COL4A1: variants seen among roughly 807,000 people sequenced by gnomAD.
The protein encoded by COL4A1 is collagen type IV alpha 1 chain, also known as collagen alpha-1(IV) chain.
In COL4A1, 40 loss-of-function variants were observed where a neutral mutation model predicts 216.6. The ratio of observed to expected loss-of-function variants is 0.18; its 90% CI spans 0.14 to 0.24. COL4A1 has a LOEUF of 0.24. Among genes scored for constraint, COL4A1 ranks in the 10% least tolerant of loss-of-function variants. COL4A1 has a pLI of 1.00. For missense variants in COL4A1, 1,628 were observed against 2,196.8 expected, an observed-to-expected ratio of 0.74 and a Z score of 5.18; for synonymous variants, 839 against 810.7, an observed-to-expected ratio of 1.03 and a Z score of -0.59.
intron 1 of COL4A1, among the ~76,000 whole-genome samples, chr13:110,272,869 C>A (rs1373732769): frequency 6.6e-6 from 1 of 152,198 alleles, no homozygotes; most frequent in Non-Finnish European, 1.5e-5. Flanking sequence ...CTTCACCTGT[C>A]ACCATCAATA....
intron 49 of COL4A1, among the ~76,000 whole-genome samples, chr13:110,156,379 T>C (rs1026224098): frequency 9.9e-5 from 15 of 152,258 alleles, no homozygotes; most frequent in African/African-American, 3.6e-4. Flanking sequence ...GTTGAGTAAC[T>C]AAGACAAATA....
intron 2 of COL4A1, among the ~76,000 whole-genome samples, chr13:110,220,289 C>G (rs1436149305): frequency 6.6e-6 from 1 of 152,200 alleles, no homozygotes; most frequent in African/African-American, 2.4e-5. Flanking sequence ...CTAACCTACC[C>G]AACATCATAG....
In COL4A1 at chr13:110,276,531, T is replaced by C. The variant is rs182493986; in HGVS notation, c.84+30413A>G. Among the ~76,000 whole-genome samples, 487 of 152,308 alleles carry C rather than the reference T, an allele frequency of 3.2e-3. 2 individuals carry two copies. Among genetic ancestry groups the C allele is most frequent in the Non-Finnish European group, 4.7e-3 (323 of 68,016 alleles). On this transcript the variant is annotated intron_variant, in intron 1 of 51. Transcript: ENST00000375820. ...ACAGGTTGCATGGGAGGGTTCCAAA[T>C]TTTTGTAGGATATTTACTACAAACT...
At chr13:110,240,457 T>G (rs561401390) in intron 2 of COL4A1, among the ~76,000 whole-genome samples, 1 of 152,234 alleles carries the variant, frequency 6.6e-6, no homozygotes, top group Non-Finnish European at 1.5e-5. Context: ...GAAGCTGGCA[T>G]GGAGCCTCCC....
At position 110,152,553 on chromosome 13, in the gene COL4A1, AC is replaced by A. The variant is rs750117706; in HGVS notation, c.4756-48del. 5.7e-6 allele frequency: 9 copies of A among 1,577,314 alleles called. No homozygotes were observed. In the African/African-American group the frequency reaches 1.1e-4, roughly 19 times the overall value. ...TGAGTCAGAGGTTCCCTCCCCAAAC[AC>A]CAGGAAAGAGATCGATCCTTCCCAG... On this transcript the variant is annotated intron_variant, in intron 50 of 51. Transcript: ENST00000375820.
intron 21 of COL4A1, among the ~76,000 whole-genome samples, chr13:110,195,840 C>A (rs7996925): frequency 1.6e-4 from 24 of 152,040 alleles, no homozygotes; most frequent in Non-Finnish European, 3.1e-4. Flanking sequence ...CCAGGCATAA[C>A]CCTAACACTC....
chr13:110,260,976 G>T (rs910558126), intron 1 of COL4A1, among the ~76,000 whole-genome samples: 1 of 134,414 alleles, frequency 7.4e-6, no homozygotes, highest in African/African-American at 2.8e-5. Flanking sequence ...AGTGGAGCTT[G>T]CAGTGAGCTG....
At chr13:110,252,713 T>TATATACATATAATATGTATA in intron 1 of COL4A1, among the ~76,000 whole-genome samples, 1 of 119,286 alleles carries the variant, frequency 8.4e-6, no homozygotes, top group South Asian at 2.8e-4. Context: ...TATATATGTA[T>TATATACATATAATATGTATA]TATACATATA....
At chr13:110,232,256 G>C (rs1298727890) in intron 2 of COL4A1, among the ~76,000 whole-genome samples, 2 of 152,118 alleles carry the variant, frequency 1.3e-5, no homozygotes, top group Non-Finnish European at 2.9e-5. Context: ...TCTGACAAAG[G>C]GGCACCACGT....
chr13:110,295,422 CTTTT>C (rs5806848), intron 1 of COL4A1, among the ~76,000 whole-genome samples: 4 of 88,202 alleles, frequency 4.5e-5, no homozygotes, highest in East Asian at 3.7e-4. Flanking sequence ...AGTTCACTTC[CTTTT>C]TTTTTTTTTT....
chr13:110,154,328 G>A (rs918376214), intron 50 of COL4A1, among the ~76,000 whole-genome samples: 1 of 152,246 alleles, frequency 6.6e-6, no homozygotes, highest in African/African-American at 2.4e-5. Context: ...CAGGGGCCTT[G>A]TTTTCTGTTT....
chr13:110,170,638 G>A lies in COL4A1; in HGVS notation c.3651C>T (p.Pro1217=), dbSNP rs1333729724. 1.9e-6 allele frequency: 3 copies of A among 1,613,406 alleles called. No homozygotes were observed. In the South Asian group the frequency reaches 3.3e-5, roughly 18 times the overall value. ...ATCCCGGTAACCCCGGCTGTCCCTG[G>A]GGCCCCGGAGGACCCATGAATCCTT... ...GEQGFMGPPG[P]QGQPGLPGSP... Residue 1217 remains proline, a synonymous_variant, in exon 42 of 52, where the codon CCC becomes CCT. Transcript: ENST00000375820.
chr13:110,157,657 T>G (rs1213642581), intron 49 of COL4A1, among the ~76,000 whole-genome samples: 2 of 152,180 alleles, frequency 1.3e-5, no homozygotes, highest in African/African-American at 4.8e-5. Context: ...AATCTGGAAA[T>G]GTAAAGTCCT....
intron 15 of COL4A1, 66 bp from the exon 16 acceptor site, chr13:110,205,604 T>G: frequency 6.4e-7 from 1 of 1,566,692 alleles, no homozygotes; most frequent in Non-Finnish European, 8.8e-7. Flanking sequence ...GGCTCATGCC[T>G]GTAATCCCAG....
intron 1 of COL4A1, among the ~76,000 whole-genome samples, chr13:110,283,210 T>A (rs1387510392): frequency 6.6e-6 from 1 of 152,220 alleles, no homozygotes; most frequent in Non-Finnish European, 1.5e-5. Context: ...TAATATAATA[T>A]GTTCAGAAAA....
intron 20 of COL4A1, among the ~76,000 whole-genome samples, 183 bp downstream of exon 20, chr13:110,200,671 C>G (rs936759363): frequency 5.3e-5 from 8 of 152,156 alleles, no homozygotes; most frequent in Non-Finnish European, 8.8e-5. Context: ...TGGTCACTTA[C>G]AAAAGACAAG....
At chr13:110,218,404 T>C (rs1022007969) in intron 2 of COL4A1, among the ~76,000 whole-genome samples, 1 of 152,044 alleles carries the variant, frequency 6.6e-6, no homozygotes, top group African/African-American at 2.4e-5. Flanking sequence ...GAGCACTGAG[T>C]GTACTGGGTA....
At chr13:110,272,063 G>C (rs1003604966) in intron 1 of COL4A1, among the ~76,000 whole-genome samples, 1 of 152,124 alleles carries the variant, frequency 6.6e-6, no homozygotes, top group Non-Finnish European at 1.5e-5. Flanking sequence ...TATCAAAGTG[G>C]AGTACATAAA....
intron 18 of COL4A1, 88 bp from the exon 19 acceptor site, chr13:110,201,610 T>G: frequency 9.1e-7 from 1 of 1,097,788 alleles, no homozygotes; most frequent in Non-Finnish European, 1.4e-6. Context: ...GAAATGTACA[T>G]ATTTGTTTTT....
Sources: gnomAD v4.1 joint callset for allele counts (sites outside exome capture counted in the v4.1 genomes callset) on GRCh38, gnomAD v4.1.1 for gene constraint, MANE v1.5 for transcripts, NCBI Gene and HGNC (gene_info 2026-07-23, HGNC 2026-07-21) for gene names.